The following GARRE1 variants were observed in gnomAD, a reference collection of about 807,000 sequenced individuals.
The protein encoded by GARRE1 is granule associated Rac and RHOG effector 1.
A neutral mutation model predicts 103.2 loss-of-function variants in GARRE1; 49 were observed. The ratio of observed to expected loss-of-function variants is 0.47; its 90% CI spans 0.38 to 0.60. The LOEUF (loss-of-function observed/expected upper bound fraction) is 0.60. Among genes scored for constraint, GARRE1 ranks in the 20% least tolerant of loss-of-function variants. The probability of loss-of-function intolerance (pLI) is 0.00; values close to 1 mark genes in which losing one functional copy is unlikely to be tolerated. For missense variants in GARRE1, 1,199 were observed against 1,370.5 expected (o/e 0.87, Z 1.98); for synonymous variants, 505 against 532.8 (o/e 0.95, Z 0.72).
chr19:34,317,970 G>C (rs1236239695), intron 2 of GARRE1, among the ~76,000 whole-genome samples: 1 of 152,186 alleles, frequency 6.6e-6, no homozygotes, highest in Non-Finnish European at 1.5e-5. Context: ...AGAGCACTGG[G>C]GGAAGGGCTC....
intron 8 of GARRE1, among the ~76,000 whole-genome samples, chr19:34,339,509 C>T (rs1010119305): frequency 6.6e-6 from 1 of 152,098 alleles, no homozygotes; most frequent in East Asian, 1.9e-4. Context: ...TCTCAGAACC[C>T]GATGGTCTGA....
chr19:34,349,891 T>C (rs1308755117), intron 12 of GARRE1, among the ~76,000 whole-genome samples: 1 of 151,790 alleles, frequency 6.6e-6, no homozygotes, highest in Non-Finnish European at 1.5e-5. Context: ...GGGGGTGGCA[T>C]TGACCAATCA....
chr19:34,272,710 G>A (rs967680300), intron 1 of GARRE1, among the ~76,000 whole-genome samples: 4 of 152,204 alleles, frequency 2.6e-5, no homozygotes, highest in African/African-American at 9.7e-5. Flanking sequence ...GGAGTGGTAA[G>A]CAGAGTGCCA....
chr19:34,344,837 C>G (rs543576117), intron 10 of GARRE1, among the ~76,000 whole-genome samples: 217 of 136,988 alleles, frequency 1.6e-3, no homozygotes, highest in Non-Finnish European at 1.7e-3. Flanking sequence ...CCACACCCAG[C>G]TAATTTTTTT....
At chr19:34,263,265 G>GAGAGAGAT (rs1555778750) in intron 1 of GARRE1, among the ~76,000 whole-genome samples, 68 of 149,612 alleles carry the variant, frequency 4.5e-4, no homozygotes, top group East Asian at 2.2e-3. Context: ...TCTCGATAGA[G>GAGAGAGAT]AGATAGATAG....
chr19:34,268,959 T>A (rs1189376755), intron 1 of GARRE1, among the ~76,000 whole-genome samples: 1 of 152,198 alleles, frequency 6.6e-6, no homozygotes, highest in East Asian at 1.9e-4. Context: ...ACCCCTCAAA[T>A]GAAACAAAAT....
intron 2 of GARRE1, among the ~76,000 whole-genome samples, chr19:34,307,812 ATATTTTTT>A (rs2074017478): frequency 7.3e-6 from 1 of 137,174 alleles, no homozygotes; most frequent in Non-Finnish European, 1.5e-5. Flanking sequence ...ATATATATAT[ATATTTTTT>A]TTTTTTTTTA....
intron 1 of GARRE1, among the ~76,000 whole-genome samples, chr19:34,277,157 C>A (rs540766072): frequency 1.3e-5 from 2 of 152,214 alleles, no homozygotes; most frequent in African/African-American, 4.8e-5. Flanking sequence ...AATGGTGTGA[C>A]TGCAGAATGA....
At chr19:34,331,901 GAATCACTTGAACCC>G (rs2074139700) in intron 7 of GARRE1, among the ~76,000 whole-genome samples, 2 of 151,262 alleles carry the variant, frequency 1.3e-5, no homozygotes, top group Admixed American at 6.6e-5. Flanking sequence ...TTAAGCACAA[GAATCACTTGAACCC>G]AGGAGTCAGA....
At position 34,305,107 on chromosome 19, in the gene GARRE1, T is replaced by G. The variant is rs150394652; in HGVS notation, c.495+4139T>G. On this transcript the variant is annotated intron_variant, in intron 2 of 13. Transcript: ENST00000299505. ...GTGCCCGGCGGGCTTGTCATAATTT[T>G]GTTTAAAAATTCAACACATAAAAAA... Among the ~76,000 whole-genome samples the G allele has an allele frequency of 2.9e-3, 443 of 152,364 alleles. 2 individuals are homozygous for G. The highest frequency in any genetic ancestry group is 0.01 in the African/African-American group (429 of 41,596).
chr19:34,339,751 G>C, intron 8 of GARRE1, 116 bp from the exon 9 acceptor site: 1 of 1,246,008 alleles, frequency 8.0e-7, no homozygotes, highest in Non-Finnish European at 1.1e-6. Context: ...TACAGTTACT[G>C]AATTTTTGCT....
At chr19:34,257,893 C>CTTT (rs113179571) in intron 1 of GARRE1, among the ~76,000 whole-genome samples, 2 of 121,198 alleles carry the variant, frequency 1.7e-5, no homozygotes, top group African/African-American at 3.6e-5. Flanking sequence ...TCTTTTTTTT[C>CTTT]TTTTTTTTTT....
intron 2 of GARRE1, among the ~76,000 whole-genome samples, chr19:34,313,892 C>T (rs2074048131): frequency 6.6e-6 from 1 of 152,088 alleles, no homozygotes; most frequent in Non-Finnish European, 1.5e-5. Context: ...CCTCTGCCTC[C>T]CAGGTTCAAG....
chr19:34,270,320 ATCATGTC>A (rs1331045366), intron 1 of GARRE1, among the ~76,000 whole-genome samples: 1 of 152,240 alleles, frequency 6.6e-6, no homozygotes, highest in Non-Finnish European at 1.5e-5. Flanking sequence ...TTGAGGTGAC[ATCATGTC>A]CTCAGCCTTG....
At chr19:34,275,553 A>G (rs993014267) in intron 1 of GARRE1, among the ~76,000 whole-genome samples, 2 of 152,204 alleles carry the variant, frequency 1.3e-5, no homozygotes, top group Admixed American at 1.3e-4. Flanking sequence ...ATGTATCAGT[A>G]CTTTATTCCT....
At chr19:34,320,381 T>G (rs535256713) in intron 3 of GARRE1, among the ~76,000 whole-genome samples, 1 of 152,048 alleles carries the variant, frequency 6.6e-6, no homozygotes, top group African/African-American at 2.4e-5. Flanking sequence ...GGGGCCAGGA[T>G]GGAGATATGC....
At chr19:34,292,684 C>T (rs1311611379) in intron 1 of GARRE1, among the ~76,000 whole-genome samples, 1 of 152,090 alleles carries the variant, frequency 6.6e-6, no homozygotes, top group African/African-American at 2.4e-5. Context: ...AACCAATTCT[C>T]CTGCCTCAGC....
chr19:34,287,999 C>T (rs924853938), intron 1 of GARRE1, among the ~76,000 whole-genome samples: 13 of 152,216 alleles, frequency 8.5e-5, no homozygotes, highest in African/African-American at 3.1e-4. Context: ...GATGACCACA[C>T]CCTGACAACA....
chr19:34,321,678 G>A (rs865971964), intron 3 of GARRE1, among the ~76,000 whole-genome samples: 11 of 152,160 alleles, frequency 7.2e-5, no homozygotes, highest in Middle Eastern at 3.4e-3. Flanking sequence ...GGGTTTCACC[G>A]TCTTGGCCAG....
Sources: allele counts gnomAD v4.1 joint callset (sites outside exome capture counted in the v4.1 genomes callset), GRCh38; gene constraint gnomAD v4.1.1; transcripts MANE v1.5; gene names NCBI Gene and HGNC (gene_info 2026-07-23, HGNC 2026-07-21).